CUX1: variants seen among roughly 807,000 people sequenced by gnomAD.
CUX1 encodes the protein cut like homeobox 1.
CUX1 carries 31 observed loss-of-function variants against 158.8 expected under a neutral mutation model. That is an observed-to-expected ratio of 0.20 (90% CI 0.15 to 0.26). The LOEUF (loss-of-function observed/expected upper bound fraction) is 0.26, where lower values mean the gene tolerates loss of function less well. Among genes scored for constraint, CUX1 ranks in the 10% least tolerant of loss-of-function variants. CUX1 has a pLI of 1.00. For missense variants in CUX1, 1,589 were observed against 2,014.6 expected (o/e 0.79, Z 4.04); for synonymous variants, 879 against 862.1 (o/e 1.02, Z -0.34).
chr7:102,218,745 G>A (rs370807170), intron 20 of CUX1, among the ~76,000 whole-genome samples: 13 of 151,666 alleles, frequency 8.6e-5, no homozygotes, highest in African/African-American at 2.4e-4. Context: ...AGAGTTTCTC[G>A]GGCAAACCTA....
intron 2 of CUX1, among the ~76,000 whole-genome samples, chr7:101,974,710 G>A (rs1232508096): frequency 6.6e-6 from 1 of 152,110 alleles, no homozygotes; most frequent in African/African-American, 2.4e-5. Context: ...GGAAGGGGGC[G>A]GGCAGCTTGG....
chr7:102,269,641 C>T (rs576791274), intron 14 of CUX1, among the ~76,000 whole-genome samples: 1 of 140,342 alleles, frequency 7.1e-6, no homozygotes, highest in South Asian at 2.2e-4. Context: ...CCAGGCTGGT[C>T]TCAAACTCCT....
At chr7:102,207,406 G>T (rs1436164938) in intron 20 of CUX1, among the ~76,000 whole-genome samples, 1 of 152,076 alleles carries the variant, frequency 6.6e-6, no homozygotes, top group South Asian at 2.1e-4. Context: ...AAAAATCGTG[G>T]TGACTAGGGA....
Position 102,255,401 on chromosome 7 carries a change from CAAAA to C in CUX1, c.*6366_*6369del, listed in dbSNP as rs369833653. ...GAAAAATCCCAAAAAAAAAAAAAGACAAAAAAAAAAGGCTGGCGAGAGAAAGACA... is the reference window on the plus strand; with the variant it reads ...GAAAAATCCCAAAAAAAAAAAAAGACAAAAAAGGCTGGCGAGAGAAAGACA... On this transcript the variant is annotated 3_prime_UTR_variant, in exon 24 of 24. Coordinates refer to ENST00000292535, the MANE Select transcript of CUX1 (RefSeq NM_181552.4). 14 of 903,302 alleles carry C rather than the reference CAAAA, an allele frequency of 1.5e-5. No individual in the cohort carries two copies. Among genetic ancestry groups the C allele is most frequent in the Admixed American group, 7.3e-5 (1 of 13,748 alleles). The allele number at this position is 903,302 out of a possible 1,614,324, so 56.0% of individuals were successfully genotyped here. A position where few individuals can be genotyped will look rare whatever the true frequency, so the allele number is the denominator to read the frequency against.
intron 2 of CUX1, among the ~76,000 whole-genome samples, chr7:101,971,311 A>T (rs1811923821): frequency 6.6e-6 from 1 of 152,190 alleles, no homozygotes; most frequent in Non-Finnish European, 1.5e-5. Context: ...CAGTATGACA[A>T]GCAAGGCATG....
intron 8 of CUX1, among the ~76,000 whole-genome samples, chr7:102,137,579 T>C (rs1431805918): frequency 6.6e-6 from 1 of 152,038 alleles, no homozygotes; most frequent in Non-Finnish European, 1.5e-5. Flanking sequence ...AAGGTTACAG[T>C]GAGCTGAGAT....
intron 20 of CUX1, among the ~76,000 whole-genome samples, chr7:102,209,956 A>G (rs542983767): frequency 2.0e-5 from 3 of 152,238 alleles, no homozygotes; most frequent in African/African-American, 7.2e-5. Context: ...ACACAATCAC[A>G]GCTCAATACA....
At chr7:102,026,818 T>TAAAA (rs10533217) in intron 2 of CUX1, among the ~76,000 whole-genome samples, 2 of 96,324 alleles carry the variant, frequency 2.1e-5, no homozygotes, top group African/African-American at 4.1e-5. Context: ...ACTCCGTCTT[T>TAAAA]AAAAAAAAAA....
intron 1 of CUX1, among the ~76,000 whole-genome samples, chr7:101,870,180 A>C (rs1388781859): frequency 8.8e-5 from 11 of 125,638 alleles, no homozygotes; most frequent in East Asian, 2.1e-4. Flanking sequence ...TAAAGACAGC[A>C]TCTCCCTTTG....
At chr7:102,072,243 T>C (rs1826210191) in intron 4 of CUX1, among the ~76,000 whole-genome samples, 1 of 152,232 alleles carries the variant, frequency 6.6e-6, no homozygotes, top group Non-Finnish European at 1.5e-5. Flanking sequence ...CGGGTCTAAA[T>C]ATCCCCTTGA....
chr7:101,868,111 T>C (rs553239836), intron 1 of CUX1, among the ~76,000 whole-genome samples: 1 of 152,328 alleles, frequency 6.6e-6, no homozygotes, highest in South Asian at 2.1e-4. Flanking sequence ...CCTCCCAAAG[T>C]GCTTTGATTA....
intron 2 of CUX1, among the ~76,000 whole-genome samples, chr7:101,933,903 C>A (rs1381064448): frequency 1.3e-5 from 2 of 152,082 alleles, no homozygotes; most frequent in Non-Finnish European, 1.5e-5. Flanking sequence ...AAAAAAAGTT[C>A]TTTCTGTTTT....
intron 20 of CUX1, among the ~76,000 whole-genome samples, chr7:102,226,267 A>G (rs954483936): frequency 1.6e-4 from 25 of 152,236 alleles, no homozygotes; most frequent in Non-Finnish European, 3.1e-4. Flanking sequence ...AGCATGGCTT[A>G]TACCAGCAAA....
rs371544424 is a variant in CUX1 at position 102,208,980 on chromosome 7, A to C, written c.3130+3810A>C. ...GGGACTTTGGACAACTTGCTCAGCC[A>C]GCCACAGCCCTGCAGTAAGGGAATC... On this transcript the variant is annotated intron_variant, in intron 20 of 23. Coordinates refer to ENST00000292535, the MANE Select transcript of CUX1 (RefSeq NM_181552.4). 2.8e-3 allele frequency among the ~76,000 whole-genome samples: 425 copies of C among 152,330 alleles called. 3 individuals are homozygous for C. The highest frequency in any genetic ancestry group is 9.9e-3 in the African/African-American group (413 of 41,586).
chr7:102,280,634 G>T (rs536918309), intron 19 of CUX1, among the ~76,000 whole-genome samples: 4 of 152,220 alleles, frequency 2.6e-5, no homozygotes, highest in African/African-American at 9.6e-5. Context: ...ATGTCACACT[G>T]AGTAGACTGT....
intron 8 of CUX1, among the ~76,000 whole-genome samples, chr7:102,155,430 C>T (rs1789640469): frequency 6.6e-6 from 1 of 151,636 alleles, no homozygotes; most frequent in South Asian, 2.1e-4. Context: ...CCACTAGTCC[C>T]AGCTACTCTG....
At chr7:101,983,361 A>G (rs890981715) in intron 2 of CUX1, among the ~76,000 whole-genome samples, 5 of 152,116 alleles carry the variant, frequency 3.3e-5, no homozygotes, top group African/African-American at 1.2e-4. Context: ...AAACTTCTCT[A>G]ACACCCCTCC....
chr7:102,283,033 C>T lies in CUX1; in HGVS notation c.1980C>T (p.His660=), dbSNP rs781833842. 1.9e-6 allele frequency: 3 copies of T among 1,613,370 alleles called. No individual in the cohort carries two copies. In the Admixed American group the frequency reaches 5.0e-5, roughly 27 times the overall value. Residue 660 remains histidine (H), a synonymous_variant, in exon 23 of 23, where the codon CAC becomes CAT. Transcript: ENST00000292538. ...CCGTGTCCCCCAGGTTCGCTGACCA[C>T]CTGCACAAGTTCCACGAGAATGACA...
rs782088297 is a variant in CUX1, at chr7:102,238,879, CTTTTG to C, written c.3623-417_3623-413del. 6.2e-3 allele frequency among the ~76,000 whole-genome samples: 938 copies of C among 152,132 alleles called. 3 individuals carry two copies. The highest frequency in any genetic ancestry group is 0.021 in the African/African-American group (851 of 41,466). On this transcript the variant is annotated intron_variant, in intron 22 of 23. Coordinates refer to ENST00000292535, the MANE Select transcript of CUX1 (RefSeq NM_181552.4). The stretch of plus-strand genomic sequence containing the variant: ...AATGGCTCTCATCTTAGCGTTGTTT[CTTTTG>C]TTTTGTTTTGTTTTGTTTTGTTTGA...
Sources: gnomAD v4.1 joint callset for allele counts (sites outside exome capture counted in the v4.1 genomes callset) on GRCh38, gnomAD v4.1.1 for gene constraint, MANE v1.5 for transcripts, NCBI Gene and HGNC (gene_info 2026-07-23, HGNC 2026-07-21) for gene names.